DCLK1: variants seen among roughly 807,000 people sequenced by gnomAD.
DCLK1 encodes doublecortin like kinase 1.
In DCLK1, 16 loss-of-function variants were observed where a neutral mutation model predicts 86.2. The ratio of observed to expected loss-of-function variants is 0.19; its 90% CI spans 0.13 to 0.28. The LOEUF is 0.28. Ranked by LOEUF, DCLK1 falls within the 10% of genes least tolerant of loss-of-function variation. The pLI, the probability that DCLK1 is intolerant of heterozygous loss-of-function variation, is 1.00. For missense variants in DCLK1, 590 were observed against 940.2 expected (o/e 0.63, Z 4.87); for synonymous variants, 369 against 370.5 (o/e 1.00, Z 0.05).
Position 35,808,182 on chromosome 13 carries a change from GAC to G in DCLK1, c.1863+40_1863+41del, listed in dbSNP as rs1173191616. 2.0e-6 allele frequency: 3 copies of G among 1,532,072 alleles called. No homozygotes were observed. The South Asian group carries it at 3.4e-5, about 17-fold the overall frequency. 94.9% of individuals were successfully genotyped at this position (1,532,072 alleles called of 1,614,324 possible). On this transcript the variant is annotated intron_variant, in intron 14 of 16. Transcript: ENST00000360631. ...TGATTTGGAAAAATAATTCCGTTAA[GAC>G]ACACAGAATATAGGGAAGAGGAAGG...
chr13:35,923,990 GTA>G (rs1875954460), intron 4 of DCLK1, among the ~76,000 whole-genome samples: 1 of 152,126 alleles, frequency 6.6e-6, no homozygotes, highest in Non-Finnish European at 1.5e-5. Flanking sequence ...AAGGATCTGG[GTA>G]TTTCAGCTGT....
At chr13:35,996,249 A>C (rs2153144837) in intron 3 of DCLK1, among the ~76,000 whole-genome samples, 1 of 152,304 alleles carries the variant, frequency 6.6e-6, no homozygotes, top group South Asian at 2.1e-4. Flanking sequence ...AGTTGTAAAT[A>C]AAATCATCAG....
At chr13:35,887,988 A>AACAATTTCT (rs1873396595) in intron 4 of DCLK1, among the ~76,000 whole-genome samples, 1 of 151,604 alleles carries the variant, frequency 6.6e-6, no homozygotes, top group Non-Finnish European at 1.5e-5. Flanking sequence ...CCTGGATTCC[A>AACAATTTCT]ACAATTTCTA....
intron 4 of DCLK1, among the ~76,000 whole-genome samples, chr13:35,935,592 G>A (rs1383475750): frequency 6.6e-6 from 1 of 152,164 alleles, no homozygotes; most frequent in African/African-American, 2.4e-5. Context: ...CCAGGTAGAT[G>A]ATGAGTTCAG....
chr13:35,865,011 G>A (rs1566575378), intron 5 of DCLK1, among the ~76,000 whole-genome samples: 1 of 152,020 alleles, frequency 6.6e-6, no homozygotes, highest in Non-Finnish European at 1.5e-5. Flanking sequence ...GTTTTAAGGA[G>A]GACTGCAGCT....
At chr13:35,828,584 C>T (rs1349546097) in intron 8 of DCLK1, among the ~76,000 whole-genome samples, 1 of 152,172 alleles carries the variant, frequency 6.6e-6, no homozygotes, top group Admixed American at 6.5e-5. Context: ...CACTTTGTTC[C>T]TCGAATTGCC....
At chr13:36,077,341 C>G (rs1382559716) in intron 3 of DCLK1, among the ~76,000 whole-genome samples, 1 of 152,282 alleles carries the variant, frequency 6.6e-6, no homozygotes, top group African/African-American at 2.4e-5. Flanking sequence ...TACCTTATGT[C>G]ATTTGGATTC....
At chr13:35,793,075 A>C (rs1162749533) in intron 16 of DCLK1, among the ~76,000 whole-genome samples, 1 of 152,178 alleles carries the variant, frequency 6.6e-6, no homozygotes, top group East Asian at 1.9e-4. Context: ...TTGCATTGGC[A>C]CAGAGTCCAG....
chr13:35,888,852 T>C (rs1248772934), intron 4 of DCLK1, among the ~76,000 whole-genome samples: 1 of 152,196 alleles, frequency 6.6e-6, no homozygotes, highest in Non-Finnish European at 1.5e-5. Context: ...CTTCAAATAT[T>C]TACCCCATTA....
At chr13:35,944,086 T>A (rs539455918) in intron 4 of DCLK1, among the ~76,000 whole-genome samples, 2 of 152,204 alleles carry the variant, frequency 1.3e-5, no homozygotes, top group African/African-American at 2.4e-5. Context: ...GGAGTCTCCC[T>A]GGCAGTTTCC....
At chr13:36,051,160 A>G (rs1883109966) in intron 3 of DCLK1, among the ~76,000 whole-genome samples, 1 of 152,202 alleles carries the variant, frequency 6.6e-6, no homozygotes. Context: ...GGAGAAGATA[A>G]AAGCACCATA....
chr13:36,089,460 G>A (rs1369218678), intron 3 of DCLK1, among the ~76,000 whole-genome samples: 1 of 152,118 alleles, frequency 6.6e-6, no homozygotes, highest in Non-Finnish European at 1.5e-5. Flanking sequence ...TTTCTTTCCT[G>A]TGCAGCACTC....
At chr13:35,794,442 G>A (rs1398720296) in intron 15 of DCLK1, among the ~76,000 whole-genome samples, 1 of 152,144 alleles carries the variant, frequency 6.6e-6, no homozygotes, top group African/African-American at 2.4e-5. Flanking sequence ...CATTTTGCAG[G>A]TAATTTCTTG....
chr13:35,940,220 CA>C (rs35918536), intron 4 of DCLK1, among the ~76,000 whole-genome samples: 162 of 97,978 alleles, frequency 1.7e-3, no homozygotes, highest in Admixed American at 2.3e-3. Context: ...GAGTCTGTCT[CA>C]AAAAAAAAAA....
intron 4 of DCLK1, among the ~76,000 whole-genome samples, chr13:35,929,504 T>C (rs1031093106): frequency 2.6e-5 from 4 of 152,198 alleles, no homozygotes; most frequent in African/African-American, 9.6e-5. Context: ...CAAAAGGCAA[T>C]CACTGGCTCA....
At chr13:36,105,067 T>C (rs74046732) in intron 3 of DCLK1, among the ~76,000 whole-genome samples, 1,684 of 152,302 alleles carry the variant, frequency 0.011, 43 homozygotes, top group African/African-American at 0.039. Context: ...TATTATGCCA[T>C]CTTAAAGAAG....
At chr13:35,814,655 A>G (rs2087228805) in intron 11 of DCLK1, among the ~76,000 whole-genome samples, 1 of 152,234 alleles carries the variant, frequency 6.6e-6, no homozygotes, top group South Asian at 2.1e-4. Context: ...AACATGAGGT[A>G]TGATTTAATG....
In DCLK1 at chr13:35,928,705, T is replaced by C. The variant is rs747104881; in HGVS notation, c.823+18653A>G. 9.3e-4 allele frequency among the ~76,000 whole-genome samples: 142 copies of C among 152,220 alleles called. 1 individual carries two copies. Among genetic ancestry groups the C allele is most frequent in the Non-Finnish European group, 6.3e-4 (43 of 68,040 alleles). ...TAGTGCTAAGAGCAGTGCCTGCCCA[T>C]TGTAGATATTCACTCACTATTAGTT... On this transcript the variant is annotated intron_variant, in intron 4 of 16. Transcript: ENST00000360631.
chr13:35,831,391 AT>A (rs1463357612), intron 8 of DCLK1, among the ~76,000 whole-genome samples: 1 of 152,218 alleles, frequency 6.6e-6, no homozygotes, highest in East Asian at 1.9e-4. Context: ...AGGAGACTAA[AT>A]GTGTGTCATA....
Sources: allele counts gnomAD v4.1 joint callset (sites outside exome capture counted in the v4.1 genomes callset), GRCh38; gene constraint gnomAD v4.1.1; transcripts MANE v1.5; gene names NCBI Gene and HGNC (gene_info 2026-07-23, HGNC 2026-07-21).